The following PSPC1 variants were observed in gnomAD, a reference collection of about 807,000 sequenced individuals.
PSPC1 encodes the protein paraspeckle protein 1.
PSPC1 carries 14 observed loss-of-function variants against 51.6 expected under a neutral mutation model. The observed-to-expected ratio is 0.27, with a 90% confidence interval of 0.18 to 0.42. The LOEUF is 0.42. Ranked by LOEUF, PSPC1 falls within the 10% of genes least tolerant of loss-of-function variation. The pLI, the probability that PSPC1 is intolerant of heterozygous loss-of-function variation, is 1.00. For missense variants in PSPC1, 406 were observed against 701.1 expected (o/e 0.58, Z 4.75); for synonymous variants, 193 against 231.9 (o/e 0.83, Z 1.53).
rs1474999103 is a variant in PSPC1, at chr13:19,782,016, G to A, written c.372+370C>T. 6.6e-6 allele frequency among the ~76,000 whole-genome samples: 1 copy of A among 152,160 alleles called. No individual in the cohort carries two copies. The highest frequency in any genetic ancestry group is 6.6e-5 in the Admixed American group (1 of 15,266). ...GAATTCTCACCCCAAAACGCTGCCC[G>A]CCCCTGTCCCCGGACCCTTTCGGTA... On this transcript the variant is annotated intron_variant, in intron 1 of 8. Coordinates refer to ENST00000338910, the MANE Select transcript of PSPC1 (RefSeq NM_001354909.2). The surrounding 1 kb of genome is among the most constrained non-coding windows in gnomAD (Gnocchi z 4.5).
At chr13:19,748,119 A>C (rs1251396714) in intron 4 of PSPC1, among the ~76,000 whole-genome samples, 1 of 152,160 alleles carries the variant, frequency 6.6e-6, no homozygotes, top group Non-Finnish European at 1.5e-5. Context: ...ATGCTGAGGC[A>C]GGAGAATCGC....
In PSPC1 at chr13:19,742,163, G is replaced by A. The variant is rs7334181; in HGVS notation, c.968-514C>T. Among the ~76,000 whole-genome samples, 602 of 144,058 alleles carry A rather than the reference G, an allele frequency of 4.2e-3. 5 individuals are homozygous for A. Among genetic ancestry groups the A allele is most frequent in the African/African-American group, 0.014 (553 of 39,526 alleles). The allele number at this position is 144,058 out of a possible 152,430, so 94.5% of individuals were successfully genotyped here. A position where few individuals can be genotyped will look rare whatever the true frequency, so the allele number is the denominator to read the frequency against. On this transcript the variant is annotated intron_variant, in intron 4 of 8. Coordinates refer to ENST00000338910, the MANE Select transcript of PSPC1 (RefSeq NM_001354909.2). ...AAGTTCATTGTTAGGGGAAAAACAC[G>A]TAATAAACTCATCTTGGCTGGGCGC... is the stretch of plus-strand genomic sequence containing the variant.
chr13:19,730,494 T>G (rs1032407930), intron 5 of PSPC1, 150 bp from the exon 6 acceptor site: 7 of 649,962 alleles, frequency 1.1e-5, no homozygotes, highest in South Asian at 1.0e-4. Context: ...TTACCTTCCT[T>G]CTATGTCACT....
At chr13:19,706,857 C>T (rs1391931140) in intron 7 of PSPC1, among the ~76,000 whole-genome samples, 1 of 152,088 alleles carries the variant, frequency 6.6e-6, no homozygotes, top group Non-Finnish European at 1.5e-5. Context: ...TGAGTCCTTA[C>T]CAGCCCCTGG....
intron 5 of PSPC1, among the ~76,000 whole-genome samples, chr13:19,736,804 C>T (rs1404833308): frequency 6.6e-6 from 1 of 152,142 alleles, no homozygotes; most frequent in Non-Finnish European, 1.5e-5. Context: ...ATATTAACCC[C>T]TTGTATAACC....
intron 5 of PSPC1, among the ~76,000 whole-genome samples, chr13:19,733,786 A>AAT (rs777146075): frequency 0.013 from 1,799 of 141,822 alleles, 26 homozygotes; most frequent in African/African-American, 0.039. Flanking sequence ...AAGAAAAAAA[A>AAT]ATATATATAT....
At chr13:19,716,535 G>A (rs144139380) in intron 6 of PSPC1, among the ~76,000 whole-genome samples, 1 of 152,136 alleles carries the variant, frequency 6.6e-6, no homozygotes, top group East Asian at 1.9e-4. Flanking sequence ...TATTGATAAA[G>A]ACCTCTCATG....
intron 2 of PSPC1, among the ~76,000 whole-genome samples, chr13:19,771,881 G>A (rs1471649722): frequency 6.6e-6 from 1 of 152,086 alleles, no homozygotes; most frequent in African/African-American, 2.4e-5. Flanking sequence ...CTGAAAGTCT[G>A]GGGCTTGAGC....
intron 6 of PSPC1, among the ~76,000 whole-genome samples, chr13:19,722,893 T>G (rs1465602472): frequency 6.6e-6 from 1 of 152,052 alleles, no homozygotes; most frequent in East Asian, 1.9e-4. Flanking sequence ...GTGGATCACT[T>G]GAGGTAAAGA....
chr13:19,715,229 T>C (rs1222853489), intron 6 of PSPC1, among the ~76,000 whole-genome samples: 1 of 152,176 alleles, frequency 6.6e-6, no homozygotes, highest in Non-Finnish European at 1.5e-5. Flanking sequence ...TAAAGAAATA[T>C]GGAAGCCAAA....
At chr13:19,710,203 T>C (rs1881219041) in intron 6 of PSPC1, among the ~76,000 whole-genome samples, 1 of 152,192 alleles carries the variant, frequency 6.6e-6, no homozygotes, top group Non-Finnish European at 1.5e-5. Context: ...TAACATTGCT[T>C]TCCTTTAACT....
intron 5 of PSPC1, among the ~76,000 whole-genome samples, chr13:19,735,570 T>G (rs1418907226): frequency 6.6e-6 from 1 of 152,196 alleles, no homozygotes; most frequent in South Asian, 2.1e-4. Flanking sequence ...GTACTCCAAA[T>G]ACATTTCTCC....
chr13:19,681,866 T>C (rs1046126689), intron 6 of PSPC1, among the ~76,000 whole-genome samples: 4 of 152,230 alleles, frequency 2.6e-5, no homozygotes, highest in African/African-American at 9.6e-5. Flanking sequence ...AAGCAATTCA[T>C]AGCTGTCAAA....
chr13:19,723,865 T>C (rs1883059452), intron 6 of PSPC1, among the ~76,000 whole-genome samples: 1 of 152,234 alleles, frequency 6.6e-6, no homozygotes, highest in Non-Finnish European at 1.5e-5. Flanking sequence ...TAGTCACAAC[T>C]AGAACATTAC....
chr13:19,777,371 A>T (rs970126942), intron 1 of PSPC1, among the ~76,000 whole-genome samples: 2 of 141,174 alleles, frequency 1.4e-5, no homozygotes, highest in East Asian at 4.4e-4. Flanking sequence ...CGGGGGTTGC[A>T]GTGAGCCAAG....
chr13:19,674,718 C>G (rs1876439473), downstream of PSPC1: 1 of 152,190 alleles, frequency 6.6e-6, no homozygotes, highest in Admixed American at 6.5e-5. Context: ...ATAGAGCAGA[C>G]TATGAAAAAC....
At chr13:19,706,308 CATT>C (rs1420405442) in intron 7 of PSPC1, among the ~76,000 whole-genome samples, 3 of 151,304 alleles carry the variant, frequency 2.0e-5, no homozygotes, top group African/African-American at 7.3e-5. Context: ...AAATAAAGAT[CATT>C]ATAACTAGCC....
At chr13:19,743,324 T>C (rs966309634) in intron 4 of PSPC1, among the ~76,000 whole-genome samples, 2 of 152,200 alleles carry the variant, frequency 1.3e-5, no homozygotes, top group African/African-American at 4.8e-5. Context: ...TAAACACCTG[T>C]ACTCAAGAGT....
Position 19,782,681 on chromosome 13 carries a change from A to G in PSPC1, c.77T>C (p.Val26Ala). 1 of 1,565,616 alleles carries G rather than the reference A, an allele frequency of 6.4e-7. No individual in the cohort carries two copies. Among genetic ancestry groups the G allele is most frequent in the East Asian group, 2.5e-5 (1 of 40,646 alleles). The change falls in exon 1 of 9, where the codon GTG becomes GCG. Residue 26 changes from valine to alanine, a missense_variant. By Grantham distance (64) the Val-to-Ala change is moderately conservative. Transcript: ENST00000338910. This position sits in a 1 kb window ranked among gnomAD's most constrained non-coding sequence, Gnocchi z 4.5. ...CGCGGCCGCCGGCTCGCTCTCGCCC[A>G]CCGCGGACTCCAGGGCGCGAAGGCG... ...PARLRALESA[V>A]GESEPAAAAA...
Sources: gnomAD v4.1 joint callset for allele counts (sites outside exome capture counted in the v4.1 genomes callset) on GRCh38, gnomAD v4.1.1 for gene constraint, Gnocchi (gnomAD v3.1) non-coding constraint, MANE v1.5 for transcripts, NCBI Gene and HGNC (gene_info 2026-07-23, HGNC 2026-07-21) for gene names.